IMPACT: variants seen among roughly 807,000 people sequenced by gnomAD.
IMPACT encodes protein IMPACT.
Under a neutral mutation model 47.5 loss-of-function variants are expected in IMPACT, and 35 were observed. The ratio of observed to expected loss-of-function variants is 0.74; its 90% CI spans 0.56 to 0.98. The LOEUF (loss-of-function observed/expected upper bound fraction) is 0.98. Ranked by LOEUF, IMPACT falls within the 50% of genes least tolerant of loss-of-function variation. The pLI, the probability that IMPACT is intolerant of heterozygous loss-of-function variation, is 0.00. For missense variants in IMPACT, 373 were observed against 394.8 expected, an observed-to-expected ratio of 0.94 and a Z score of 0.47; for synonymous variants, 118 against 125.6, an observed-to-expected ratio of 0.94 and a Z score of 0.40.
At chr18:24,442,195 C>T (rs1909134297) in intron 6 of IMPACT, among the ~76,000 whole-genome samples, 1 of 148,484 alleles carries the variant, frequency 6.7e-6, no homozygotes. Context: ...GCTCTGTTGC[C>T]CAGGCTGGAG....
At chr18:24,435,022 G>A (rs1908887366) in intron 4 of IMPACT, among the ~76,000 whole-genome samples, 1 of 150,638 alleles carries the variant, frequency 6.6e-6, no homozygotes, top group Admixed American at 6.6e-5. Flanking sequence ...TACCCAGGCT[G>A]GAGTGCAGTG....
In IMPACT at chr18:24,449,909, T is replaced by C; in HGVS notation, c.850T>C (p.Cys284Arg). 6.2e-7 allele frequency: 1 copy of C among 1,614,058 alleles called. No individual in the cohort carries two copies. The highest frequency in any genetic ancestry group is 1.1e-5 in the South Asian group (1 of 91,088). The change falls in exon 10 of 11, where the codon TGT becomes CGT. Residue 284 changes from cysteine to arginine, a missense_variant. By Grantham distance (180) the Cys-to-Arg change is radical (BLOSUM62 -3). Transcript: ENST00000284202. ...GPDRFKHINN[C>R]ARNILVEKNY... Reference sequence around the variant, plus strand: ...AGATCGCTTTAAACATATCAACAACTGTGCCAGAAACATACTAGTGGAAAA... The same window carrying C: ...AGATCGCTTTAAACATATCAACAACCGTGCCAGAAACATACTAGTGGAAAA...
chr18:24,427,717 C>A, intron 1 of IMPACT: 1 of 523,004 alleles, frequency 1.9e-6, no homozygotes, highest in South Asian at 2.8e-5. Context: ...AGGCTGGCTC[C>A]AGTCATTGCA....
intron 6 of IMPACT, among the ~76,000 whole-genome samples, 188 bp from the exon 7 acceptor site, chr18:24,442,861 C>T (rs1041614286): frequency 1.3e-5 from 2 of 152,020 alleles, no homozygotes; most frequent in African/African-American, 2.4e-5. Context: ...ATCTTATGTA[C>T]AATATAGTTA....
At chr18:24,434,763 CAAA>C (rs1189196177) in intron 4 of IMPACT, among the ~76,000 whole-genome samples, 25 of 45,150 alleles carry the variant, frequency 5.5e-4, no homozygotes, top group African/African-American at 2.3e-3. Context: ...AACTCTGTCT[CAAA>C]AAAAAAAAAA....
intron 8 of IMPACT, 41 bp downstream of exon 8, chr18:24,445,507 A>C (rs764075242): frequency 8.5e-7 from 1 of 1,179,166 alleles, no homozygotes; most frequent in South Asian, 1.5e-5. Context: ...CAGTTTGTTA[A>C]AAATAGAGGG....
rs1291630658 is a variant in IMPACT at position 24,453,384 on chromosome 18, T to C, written c.*2537T>C. ...GTATGTACATCCTTATATTATTTTT[T>C]TCTTATGCATGATTTTGTATATATG... On this transcript the variant is annotated 3_prime_UTR_variant, in exon 11 of 11. Coordinates refer to ENST00000284202, the MANE Select transcript of IMPACT (RefSeq NM_018439.4). 6.6e-6 allele frequency: 1 copy of C among 152,232 alleles called. No individual in the cohort carries two copies. Among genetic ancestry groups the C allele is most frequent in the Non-Finnish European group, 1.5e-5 (1 of 68,042 alleles). The allele number at this position is 152,232 out of a possible 1,614,324, so 9.4% of individuals were successfully genotyped here. A position where few individuals can be genotyped will look rare whatever the true frequency, so the allele number is the denominator to read the frequency against.
chr18:24,447,229 G>A (rs1201638164), intron 8 of IMPACT, among the ~76,000 whole-genome samples: 1 of 152,214 alleles, frequency 6.6e-6, no homozygotes, highest in African/African-American at 2.4e-5. Flanking sequence ...ACTTAGGTGT[G>A]TAGATGAGCT....
At chr18:24,433,431 C>T (rs1908816231) in intron 4 of IMPACT, among the ~76,000 whole-genome samples, 2 of 148,970 alleles carry the variant, frequency 1.3e-5, no homozygotes, top group South Asian at 4.3e-4. Context: ...GATCTCCTGA[C>T]CTCATGATCC....
chr18:24,447,035 C>G lies in IMPACT; in HGVS notation c.669-1058C>G, dbSNP rs532872161. ...TTTTCTTTATTTCACTCCTCTATGG[C>G]TGTGGCTACAGCTTCAACAATCTTG... On this transcript the variant is annotated intron_variant, in intron 8 of 10. Coordinates refer to ENST00000284202, the MANE Select transcript of IMPACT (RefSeq NM_018439.4). 3.9e-5 allele frequency among the ~76,000 whole-genome samples: 6 copies of G among 152,274 alleles called. No homozygotes were observed. In the East Asian group the frequency reaches 1.2e-3, roughly 29 times the overall value.
intron 4 of IMPACT, among the ~76,000 whole-genome samples, chr18:24,433,138 T>A (rs1296022313): frequency 6.6e-6 from 1 of 152,082 alleles, no homozygotes; most frequent in Admixed American, 6.6e-5. Context: ...GTGGTATTAT[T>A]TTCACACATG....
chr18:24,433,601 G>A (rs562984601), intron 4 of IMPACT, among the ~76,000 whole-genome samples: 3 of 151,338 alleles, frequency 2.0e-5, no homozygotes, highest in African/African-American at 7.3e-5. Flanking sequence ...AGCCTCCTGA[G>A]TAGCTGGGAC....
At chr18:24,434,025 G>C (rs1227356747) in intron 4 of IMPACT, among the ~76,000 whole-genome samples, 1 of 151,934 alleles carries the variant, frequency 6.6e-6, no homozygotes, top group Non-Finnish European at 1.5e-5. Context: ...AGGGCAGCAA[G>C]GGGGAAATAC....
chr18:24,439,825 C>T (rs1909055629), intron 5 of IMPACT, among the ~76,000 whole-genome samples: 1 of 152,012 alleles, frequency 6.6e-6, no homozygotes, highest in African/African-American at 2.4e-5. Context: ...CAAAAGTAAA[C>T]AAATATATGG....
intron 4 of IMPACT, 115 bp downstream of exon 4, chr18:24,430,499 T>A (rs1908724841): frequency 1.5e-6 from 1 of 687,952 alleles, no homozygotes; most frequent in Admixed American, 2.9e-5. Flanking sequence ...CTACTTCTGC[T>A]TTAACAAAAA....
At chr18:24,447,183 A>G (rs1909269574) in intron 8 of IMPACT, among the ~76,000 whole-genome samples, 1 of 152,202 alleles carries the variant, frequency 6.6e-6, no homozygotes, top group African/African-American at 2.4e-5. Flanking sequence ...GGATGAGTGA[A>G]TGAATGAATG....
At chr18:24,427,781 A>G (rs1295744107) in intron 1 of IMPACT, 138 bp from the exon 2 acceptor site, 4 of 727,606 alleles carry the variant, frequency 5.5e-6, no homozygotes, top group Non-Finnish European at 8.6e-6. Context: ...CTCTTAAGAA[A>G]CTCTTGGCCT....
chr18:24,429,017 T>C (rs959820953), intron 3 of IMPACT, 96 bp downstream of exon 3: 2 of 741,548 alleles, frequency 2.7e-6, no homozygotes, highest in African/African-American at 3.7e-5. Flanking sequence ...ACCTTTCTTA[T>C]TAACATGTAT....
chr18:24,450,923 C>A lies in IMPACT; in HGVS notation c.*76C>A. 1.1e-6 allele frequency: 1 copy of A among 881,892 alleles called. No individual in the cohort carries two copies. The highest frequency in any genetic ancestry group is 1.8e-6 in the Non-Finnish European group (1 of 553,740). The allele number at this position is 881,892 out of a possible 1,614,324, so 54.6% of individuals were successfully genotyped here. ...CATAGTCATCAAGGAATATATTGTG[C>A]AGAGAGAGTATCCTTGACTGCTTAA... On this transcript the variant is annotated 3_prime_UTR_variant, in exon 11 of 11. Coordinates refer to ENST00000284202, the MANE Select transcript of IMPACT (RefSeq NM_018439.4).
Sources: allele counts gnomAD v4.1 joint callset (sites outside exome capture counted in the v4.1 genomes callset), GRCh38; gene constraint gnomAD v4.1.1; transcripts MANE v1.5; gene names NCBI Gene and HGNC (gene_info 2026-07-23, HGNC 2026-07-21).